The following TRPC6 variants were observed in gnomAD, a reference collection of about 807,000 sequenced individuals.
TRPC6 encodes short transient receptor potential channel 6.
In TRPC6, 55 loss-of-function variants were observed where a neutral mutation model predicts 90.7. The ratio of observed to expected loss-of-function variants is 0.61; its 90% confidence interval spans 0.49 to 0.76. The LOEUF is 0.76. Among genes scored for constraint, TRPC6 ranks in the 30% least tolerant of loss-of-function variants. The probability of loss-of-function intolerance (pLI) is 0.00; values close to 1 mark genes in which losing one functional copy is unlikely to be tolerated. For synonymous variants in TRPC6, 393 were observed against 393.0 expected, an observed-to-expected ratio of 1.00 and a Z score of 0.00; for missense variants, 989 against 1,122.7, an observed-to-expected ratio of 0.88 and a Z score of 1.70.
intron 10 of TRPC6, among the ~76,000 whole-genome samples, chr11:101,455,886 G>T (rs1482808755): frequency 6.6e-6 from 1 of 152,146 alleles, no homozygotes; most frequent in Non-Finnish European, 1.5e-5. Flanking sequence ...AATGTAAGGT[G>T]CTGTGCTAGG....
chr11:101,580,891 C>G (rs973349063), intron 1 of TRPC6, among the ~76,000 whole-genome samples: 1 of 152,196 alleles, frequency 6.6e-6, no homozygotes, highest in East Asian at 1.9e-4. Context: ...GATTTCTACT[C>G]TACCAGAGGG....
chr11:101,535,942 T>A (rs578124270), intron 1 of TRPC6, among the ~76,000 whole-genome samples: 1 of 152,314 alleles, frequency 6.6e-6, no homozygotes, highest in African/African-American at 2.4e-5. Flanking sequence ...TCCAATTCTG[T>A]CTATTTAGAC....
intron 1 of TRPC6, among the ~76,000 whole-genome samples, chr11:101,510,804 G>C (rs1003074101): frequency 6.6e-6 from 1 of 152,132 alleles, no homozygotes; most frequent in Non-Finnish European, 1.5e-5. Flanking sequence ...TTGCATGCTA[G>C]AGTCCACAGC....
Position 101,453,005 on chromosome 11 carries a change from G to A in TRPC6, c.2746C>T (p.Leu916Phe). Residue 916 changes from leucine to phenylalanine, a missense_variant, in exon 13 of 13, where the codon CTT becomes TTT. This residue lies in a region of TRPC6 where 191 missense variants were observed against 196.7 expected (regional missense o/e 0.97). Coordinates refer to ENST00000344327, the MANE Select transcript of TRPC6 (RefSeq NM_004621.6). ...GGTTCCATGGATAATTTCTCTCCAA[G>A]TTCTCTAATAAGTTCTGCTAGGTCT... ...TEDLAELIRE[L>F]GEKLSMEPNQ... 6.2e-7 allele frequency: 1 copy of A among 1,613,884 alleles called. No homozygotes were observed. The highest frequency in any genetic ancestry group is 8.5e-7 in the Non-Finnish European group (1 of 1,179,866).
At chr11:101,492,131 G>A (rs1202182563) in intron 2 of TRPC6, among the ~76,000 whole-genome samples, 1 of 151,898 alleles carries the variant, frequency 6.6e-6, no homozygotes, top group Middle Eastern at 3.2e-3. Context: ...GAGCCACCAT[G>A]CCCAGCCGAG....
intron 1 of TRPC6, among the ~76,000 whole-genome samples, chr11:101,554,683 G>C (rs566285111): frequency 6.6e-6 from 1 of 151,818 alleles, no homozygotes; most frequent in Non-Finnish European, 1.5e-5. Context: ...CAAAAAGTGA[G>C]GAAAAAATTT....
At chr11:101,498,577 T>C (rs1860009595) in intron 2 of TRPC6, among the ~76,000 whole-genome samples, 1 of 152,154 alleles carries the variant, frequency 6.6e-6, no homozygotes, top group Non-Finnish European at 1.5e-5. Flanking sequence ...GTCTCTTTTG[T>C]TAATGTACTA....
At chr11:101,496,086 G>C (rs1237171545) in intron 2 of TRPC6, among the ~76,000 whole-genome samples, 1 of 152,102 alleles carries the variant, frequency 6.6e-6, no homozygotes, top group Non-Finnish European at 1.5e-5. Flanking sequence ...GCAGGAGAGA[G>C]AGAGAGAGAG....
intron 2 of TRPC6, 131 bp from the exon 3 acceptor site, chr11:101,491,869 C>T: frequency 2.4e-6 from 2 of 825,994 alleles, no homozygotes; most frequent in South Asian, 3.6e-5. Flanking sequence ...GAGACGGAGC[C>T]TGGCTGTGTT....
intron 1 of TRPC6, among the ~76,000 whole-genome samples, chr11:101,514,701 CT>C (rs1716300179): frequency 6.6e-6 from 1 of 152,162 alleles, no homozygotes; most frequent in Admixed American, 6.5e-5. Flanking sequence ...AAGGTAATTC[CT>C]TAACAACTCA....
At chr11:101,474,593 G>A (rs1010989292) in intron 6 of TRPC6, among the ~76,000 whole-genome samples, 7 of 152,132 alleles carry the variant, frequency 4.6e-5, no homozygotes, top group Middle Eastern at 3.4e-3. Flanking sequence ...TCTACAAATA[G>A]CTTTGAATTT....
At chr11:101,464,790 C>G (rs959914875) in intron 10 of TRPC6, among the ~76,000 whole-genome samples, 1 of 152,134 alleles carries the variant, frequency 6.6e-6, no homozygotes, top group African/African-American at 2.4e-5. Context: ...AGCCTGTTTA[C>G]ATTTAAGGTT....
intron 1 of TRPC6, among the ~76,000 whole-genome samples, chr11:101,556,488 C>T (rs992889171): frequency 4.6e-5 from 7 of 152,132 alleles, no homozygotes; most frequent in South Asian, 4.1e-4. Context: ...ACATAGAACC[C>T]GCCAAGACTG....
At chr11:101,476,277 A>G in intron 6 of TRPC6, 24 bp downstream of exon 6, 2 of 1,596,596 alleles carry the variant, frequency 1.3e-6, no homozygotes, top group Non-Finnish European at 1.7e-6. Flanking sequence ...ATTTTTATTT[A>G]TATTGACTGT....
intron 1 of TRPC6, among the ~76,000 whole-genome samples, chr11:101,513,880 A>G (rs994386193): frequency 6.6e-6 from 1 of 152,170 alleles, no homozygotes; most frequent in African/African-American, 2.4e-5. Context: ...GCTGATTCCC[A>G]GAGATAATGG....
chr11:101,485,723 C>T (rs1859664711), intron 4 of TRPC6, among the ~76,000 whole-genome samples: 1 of 152,046 alleles, frequency 6.6e-6, no homozygotes, highest in African/African-American at 2.4e-5. Context: ...GGACATCATA[C>T]AGTAGAGCGT....
intron 10 of TRPC6, among the ~76,000 whole-genome samples, chr11:101,456,840 A>G (rs938749857): frequency 2.0e-5 from 3 of 152,188 alleles, no homozygotes; most frequent in African/African-American, 7.2e-5. Context: ...ATTAAATACC[A>G]AGTTTTGGAT....
intron 1 of TRPC6, among the ~76,000 whole-genome samples, chr11:101,523,707 C>G (rs932235797): frequency 1.3e-5 from 2 of 152,174 alleles, no homozygotes; most frequent in African/African-American, 4.8e-5. Flanking sequence ...TTGAAAAAGA[C>G]TAAACCATTT....
intron 1 of TRPC6, among the ~76,000 whole-genome samples, chr11:101,506,512 C>A (rs1368141647): frequency 6.6e-6 from 1 of 152,108 alleles, no homozygotes; most frequent in African/African-American, 2.4e-5. Flanking sequence ...GAAGAGTATA[C>A]CACCATATTG....
Sources: allele counts gnomAD v4.1 joint callset (sites outside exome capture counted in the v4.1 genomes callset), GRCh38; gene constraint gnomAD v4.1.1; regional missense constraint gnomAD v4.1.1; transcripts MANE v1.5; gene names NCBI Gene and HGNC (gene_info 2026-07-23, HGNC 2026-07-21).